SORCS1: variants seen among roughly 807,000 people sequenced by gnomAD.
SORCS1 encodes the protein VPS10 domain-containing receptor SorCS1.
SORCS1 carries 60 observed loss-of-function variants against 146.1 expected under a neutral mutation model. That is an observed-to-expected ratio of 0.41 (90% confidence interval 0.33 to 0.51). The LOEUF (loss-of-function observed/expected upper bound fraction) is 0.51, where lower values mean the gene tolerates loss of function less well. SORCS1 is among the 20% of genes least tolerant of loss of function. The pLI is 0.21. For missense variants in SORCS1, 1,352 were observed against 1,487.6 expected (o/e 0.91, Z 1.50); for synonymous variants, 637 against 584.0 (o/e 1.09, Z -1.31).
chr10:106,937,419 C>G (rs1252430783), intron 2 of SORCS1, among the ~76,000 whole-genome samples: 2 of 151,550 alleles, frequency 1.3e-5, no homozygotes, highest in Non-Finnish European at 2.9e-5. Context: ...CTCAAGTAAT[C>G]CACCCTTGTC....
intron 23 of SORCS1, among the ~76,000 whole-genome samples, chr10:106,599,749 ATTTCTTTC>A (rs563990714): frequency 1.3e-5 from 2 of 151,036 alleles, no homozygotes; most frequent in Admixed American, 6.6e-5. Context: ...GTGAAGCCAT[ATTTCTTTC>A]TTTCTTTCTT....
At chr10:106,969,300 G>A (rs899899420) in intron 1 of SORCS1, among the ~76,000 whole-genome samples, 2 of 152,138 alleles carry the variant, frequency 1.3e-5, no homozygotes, top group Admixed American at 6.5e-5. Flanking sequence ...GGAAGGGACT[G>A]GAAAGATTAT....
chr10:107,152,167 G>C (rs1045647846), intron 1 of SORCS1, among the ~76,000 whole-genome samples: 1 of 152,208 alleles, frequency 6.6e-6, no homozygotes, highest in Non-Finnish European at 1.5e-5. Context: ...CTTTCACATG[G>C]TGTTAGCCCT....
chr10:106,826,810 A>T (rs1948327200), intron 3 of SORCS1, among the ~76,000 whole-genome samples: 1 of 152,238 alleles, frequency 6.6e-6, no homozygotes, highest in African/African-American at 2.4e-5. Context: ...TGATTTAAAC[A>T]GCTCAGGACC....
chr10:106,779,547 ATT>A (rs11357093), intron 3 of SORCS1, among the ~76,000 whole-genome samples: 50 of 84,786 alleles, frequency 5.9e-4, no homozygotes, highest in Middle Eastern at 5.6e-3. Flanking sequence ...TATGGCCCAT[ATT>A]TTTTTTTTTT....
chr10:107,163,156 G>T (rs1185767963), intron 1 of SORCS1, among the ~76,000 whole-genome samples: 1 of 152,212 alleles, frequency 6.6e-6, no homozygotes, highest in East Asian at 1.9e-4. Flanking sequence ...CAGCCTCCTG[G>T]AATTGAGCAA....
chr10:107,102,070 G>A (rs918509534), intron 1 of SORCS1, among the ~76,000 whole-genome samples: 5 of 152,116 alleles, frequency 3.3e-5, no homozygotes, highest in South Asian at 2.1e-4. Flanking sequence ...CTTATGAAAC[G>A]ATTTCTATCT....
chr10:107,114,887 T>C (rs1965922450), intron 1 of SORCS1, among the ~76,000 whole-genome samples: 1 of 152,038 alleles, frequency 6.6e-6, no homozygotes, highest in Non-Finnish European at 1.5e-5. Flanking sequence ...TCAGAACTAA[T>C]AAATAAATTC....
chr10:106,933,415 A>G lies in SORCS1; in HGVS notation c.626+23098T>C, dbSNP rs1248330454. 3.3e-5 allele frequency among the ~76,000 whole-genome samples: 5 copies of G among 152,342 alleles called. No individual in the cohort carries two copies. The East Asian group carries it at 9.6e-4, about 29-fold the overall frequency. Reference sequence around the variant, plus strand: ...CGCAGGATTGACAGCCACTGAGTATAAAATGTATTTAGCATATTTCCAGGC... The same window carrying G: ...CGCAGGATTGACAGCCACTGAGTATGAAATGTATTTAGCATATTTCCAGGC... On this transcript the variant is annotated intron_variant, in intron 2 of 25. Transcript: ENST00000263054.
chr10:106,677,559 C>T (rs553443104), intron 12 of SORCS1, among the ~76,000 whole-genome samples, 155 bp from the exon 13 acceptor site: 7 of 152,252 alleles, frequency 4.6e-5, no homozygotes, highest in African/African-American at 1.7e-4. Flanking sequence ...ACAGTTCTTC[C>T]CAACATGGGC....
At chr10:106,728,057 G>C (rs1006192341) in intron 6 of SORCS1, among the ~76,000 whole-genome samples, 3 of 151,658 alleles carry the variant, frequency 2.0e-5, no homozygotes, top group African/African-American at 7.3e-5. Context: ...TTTTGAGACG[G>C]AGTCTGGCTC....
intron 3 of SORCS1, among the ~76,000 whole-genome samples, chr10:106,779,718 C>A (rs1033388305): frequency 1.3e-5 from 2 of 152,020 alleles, no homozygotes; most frequent in Admixed American, 6.6e-5. Flanking sequence ...GAACCCCTGA[C>A]CTCAGGTGAT....
chr10:107,101,504 T>A (rs190762953), intron 1 of SORCS1, among the ~76,000 whole-genome samples: 1 of 152,310 alleles, frequency 6.6e-6, no homozygotes, highest in African/African-American at 2.4e-5. Context: ...GTAACTACCA[T>A]TATAGGCTCA....
intron 24 of SORCS1, among the ~76,000 whole-genome samples, chr10:106,587,616 A>G (rs1760321027): frequency 6.6e-6 from 1 of 152,270 alleles, no homozygotes; most frequent in East Asian, 1.9e-4. Flanking sequence ...AAGCCTGGAA[A>G]TATTAATTCT....
At chr10:107,084,955 T>C (rs1963651009) in intron 1 of SORCS1, among the ~76,000 whole-genome samples, 1 of 152,164 alleles carries the variant, frequency 6.6e-6, no homozygotes, top group Non-Finnish European at 1.5e-5. Flanking sequence ...ATATAAACTC[T>C]AGGGCATGCA....
intron 22 of SORCS1, among the ~76,000 whole-genome samples, chr10:106,609,836 A>T (rs1846855906): frequency 6.6e-6 from 1 of 152,198 alleles, no homozygotes; most frequent in South Asian, 2.1e-4. Context: ...TCAGCCTGGA[A>T]GGCTGGACAT....
At chr10:107,172,642 A>G in the SORCS1 span, among the ~76,000 whole-genome samples, 4 of 152,234 alleles carry the variant, frequency 2.6e-5, no homozygotes, top group Admixed American at 2.6e-4. Flanking sequence ...GGCACAGAGA[A>G]GACAGTGTTT....
Position 106,651,690 on chromosome 10 carries a change from C to T in SORCS1, c.2475+692G>A, listed in dbSNP as rs112967873. 5.9e-3 allele frequency among the ~76,000 whole-genome samples: 898 copies of T among 152,250 alleles called. 4 individuals carry two copies. Among genetic ancestry groups the T allele is most frequent in the Non-Finnish European group, 0.011 (734 of 68,020 alleles). Reference sequence around the variant, plus strand: ...GGACAGGACTGTTTGGTTTAATAATCGAGATGATTTAATGTAAGTACTTAT... The same window carrying T: ...GGACAGGACTGTTTGGTTTAATAATTGAGATGATTTAATGTAAGTACTTAT... On this transcript the variant is annotated intron_variant, in intron 18 of 25. Coordinates refer to ENST00000263054, the MANE Select transcript of SORCS1 (RefSeq NM_052918.5).
At chr10:106,764,046 T>G (rs113294659) in intron 4 of SORCS1, among the ~76,000 whole-genome samples, 3 of 152,308 alleles carry the variant, frequency 2.0e-5, no homozygotes, top group African/African-American at 7.2e-5. Flanking sequence ...ACAATTGGTG[T>G]ACAAAGAAAA....
Sources: gnomAD v4.1 joint callset for allele counts (sites outside exome capture counted in the v4.1 genomes callset) on GRCh38, gnomAD v4.1.1 for gene constraint, MANE v1.5 for transcripts, NCBI Gene and HGNC (gene_info 2026-07-23, HGNC 2026-07-21) for gene names.